KDM4C: variants seen among roughly 807,000 people sequenced by gnomAD.
The protein encoded by KDM4C is lysine demethylase 4C.
A neutral mutation model predicts 129.3 loss-of-function variants in KDM4C; 81 were observed. The ratio of observed to expected loss-of-function variants is 0.63; its 90% CI spans 0.52 to 0.75. The LOEUF is 0.75. KDM4C is among the 30% of genes least tolerant of loss of function. The pLI, the probability that KDM4C is intolerant of heterozygous loss-of-function variation, is 0.00. For missense variants in KDM4C, 1,457 were observed against 1,304.0 expected, an observed-to-expected ratio of 1.12 and a Z score of -1.81; for synonymous variants, 573 against 456.1, an observed-to-expected ratio of 1.26 and a Z score of -3.26.
At chr9:6,979,133 T>C (rs1181672170) in intron 8 of KDM4C, among the ~76,000 whole-genome samples, 1 of 152,234 alleles carries the variant, frequency 6.6e-6, no homozygotes, top group Non-Finnish European at 1.5e-5. Context: ...AGAAAGTTTC[T>C]GGTTGTAAGT....
chr9:7,119,251 TC>T (rs1839245988), intron 18 of KDM4C, among the ~76,000 whole-genome samples: 2 of 152,218 alleles, frequency 1.3e-5, no homozygotes, highest in African/African-American at 4.8e-5. Flanking sequence ...GTTGCCATTT[TC>T]CCAAGTCTAC....
chr9:7,120,990 A>G (rs930969615), intron 18 of KDM4C, among the ~76,000 whole-genome samples: 8 of 152,238 alleles, frequency 5.3e-5, no homozygotes, highest in Non-Finnish European at 1.0e-4. Context: ...TAATCCATGA[A>G]AAATACAGAG....
At position 6,758,535 on chromosome 9, in the gene KDM4C, C is replaced by T. The variant is rs958349405; in HGVS notation, c.-18+332C>T. On this transcript the variant is annotated intron_variant, in intron 1 of 21. Transcript: ENST00000381309. The surrounding 1 kb of genome is among the most constrained non-coding windows in gnomAD (Gnocchi z 4.6). Reference sequence around the variant, plus strand: ...CGCTCGGGCGGTCCTGGGATGCGGACCTCTTAACGCCGCCAGTCGGCTGTG... The same window carrying T: ...CGCTCGGGCGGTCCTGGGATGCGGATCTCTTAACGCCGCCAGTCGGCTGTG... 2.3e-5 allele frequency among the ~76,000 whole-genome samples: 2 copies of T among 88,834 alleles called. No individual in the cohort carries two copies. Among genetic ancestry groups the T allele is most frequent in the Non-Finnish European group, 4.4e-5 (2 of 45,264 alleles). 58.3% of individuals were successfully genotyped at this position (88,834 alleles called of 152,430 possible). A position where few individuals can be genotyped will look rare whatever the true frequency, so the allele number is the denominator to read the frequency against.
chr9:6,954,540 G>C (rs1196819421), intron 8 of KDM4C, among the ~76,000 whole-genome samples: 3 of 152,116 alleles, frequency 2.0e-5, no homozygotes, highest in Admixed American at 1.3e-4. Flanking sequence ...TGGGGACCAA[G>C]GAGAGGCCTT....
At chr9:6,957,792 G>A (rs965037511) in intron 8 of KDM4C, among the ~76,000 whole-genome samples, 11 of 152,186 alleles carry the variant, frequency 7.2e-5, no homozygotes, top group African/African-American at 2.4e-4. Context: ...AGCTGGGTCT[G>A]CATACTGGCC....
intron 18 of KDM4C, among the ~76,000 whole-genome samples, chr9:7,124,408 C>T (rs569662598): frequency 4.2e-4 from 64 of 152,322 alleles, no homozygotes; most frequent in African/African-American, 1.5e-3. Flanking sequence ...CTCAGGGCCA[C>T]TGTCTGTGGC....
chr9:7,099,417 A>G (rs1296452539), intron 17 of KDM4C, among the ~76,000 whole-genome samples: 2 of 152,230 alleles, frequency 1.3e-5, no homozygotes, highest in Non-Finnish European at 2.9e-5. Flanking sequence ...AGTAGCCTTA[A>G]TGGCCTATGC....
chr9:6,988,181 A>T (rs1818073241), intron 11 of KDM4C, among the ~76,000 whole-genome samples: 1 of 129,932 alleles, frequency 7.7e-6, no homozygotes, highest in Non-Finnish European at 1.7e-5. Flanking sequence ...AAAAAAAAAA[A>T]AAAGGAAAAA....
intron 1 of KDM4C, among the ~76,000 whole-genome samples, chr9:6,779,663 C>A (rs554176350): frequency 3.9e-5 from 6 of 152,186 alleles, no homozygotes; most frequent in Non-Finnish European, 7.3e-5. Context: ...TCTGCTCTTG[C>A]AACCTTCAAC....
At chr9:7,137,221 T>C (rs1476540109) in intron 19 of KDM4C, among the ~76,000 whole-genome samples, 1 of 152,188 alleles carries the variant, frequency 6.6e-6, no homozygotes, top group East Asian at 1.9e-4. Context: ...AGCAGAACTG[T>C]TGGGAAATGT....
intron 8 of KDM4C, among the ~76,000 whole-genome samples, chr9:6,907,193 A>G (rs1818470919): frequency 6.6e-6 from 1 of 152,216 alleles, no homozygotes; most frequent in South Asian, 2.1e-4. Context: ...AAGAGTAGTT[A>G]AGGAATACTT....
chr9:6,836,361 G>C (rs1372922662), intron 4 of KDM4C, among the ~76,000 whole-genome samples: 1 of 152,140 alleles, frequency 6.6e-6, no homozygotes, highest in Non-Finnish European at 1.5e-5. Context: ...GACAGAGCAA[G>C]ACTCTGTCTC....
At position 6,871,219 on chromosome 9, in the gene KDM4C, T is replaced by C. The variant is rs142660399; in HGVS notation, c.630-8793T>C. Among the ~76,000 whole-genome samples the C allele has an allele frequency of 3.7e-3, 567 of 152,330 alleles. 3 individuals are homozygous for C. The highest frequency in any genetic ancestry group is 0.013 in the African/African-American group (520 of 41,584). ...GAAGAGGGCAGTTCCTAGAGAAAACTTGAACTAGAGAAAGTAGATTTTCAT... is the reference window on the plus strand; with the variant it reads ...GAAGAGGGCAGTTCCTAGAGAAAACCTGAACTAGAGAAAGTAGATTTTCAT... On this transcript the variant is annotated intron_variant, in intron 5 of 21. Transcript: ENST00000381309.
At chr9:7,145,202 G>A (rs1037092450) in intron 19 of KDM4C, among the ~76,000 whole-genome samples, 1 of 152,200 alleles carries the variant, frequency 6.6e-6, no homozygotes. Flanking sequence ...GGTGGCGGGG[G>A]AGAAAGCTAA....
intron 12 of KDM4C, among the ~76,000 whole-genome samples, chr9:6,996,906 G>A (rs570295795): frequency 1.3e-4 from 20 of 152,258 alleles, no homozygotes; most frequent in African/African-American, 4.6e-4. Context: ...ATGATGGAGT[G>A]GGTTATCTGA....
intron 4 of KDM4C, among the ~76,000 whole-genome samples, chr9:6,817,763 C>CTTTTTTTTT (rs146833868): frequency 1.9e-5 from 2 of 105,094 alleles, no homozygotes; most frequent in African/African-American, 3.9e-5. Context: ...CAGGAATAAC[C>CTTTTTTTTT]TTTTTTTTTT....
At chr9:6,994,862 C>G (rs1370395958) in intron 12 of KDM4C, among the ~76,000 whole-genome samples, 4 of 152,216 alleles carry the variant, frequency 2.6e-5, no homozygotes, top group African/African-American at 9.6e-5. Context: ...TTGAAAATCT[C>G]TCTACCACTG....
intron 8 of KDM4C, chr9:6,925,631 TC>T: frequency 1.0e-6 from 1 of 985,402 alleles, no homozygotes; most frequent in Non-Finnish European, 1.2e-6. Flanking sequence ...TTGTTTACCA[TC>T]AGCCCTTCAC....
chr9:6,925,104 A>G (rs776681684), intron 8 of KDM4C: 14 of 985,360 alleles, frequency 1.4e-5, no homozygotes, highest in Non-Finnish European at 1.7e-5. Context: ...AGTACAGACC[A>G]TGCATTTTTC....
Sources: allele counts gnomAD v4.1 joint callset (sites outside exome capture counted in the v4.1 genomes callset), GRCh38; gene constraint gnomAD v4.1.1; non-coding constraint Gnocchi (gnomAD v3.1); transcripts MANE v1.5; gene names NCBI Gene and HGNC (gene_info 2026-07-23, HGNC 2026-07-21).